Variants in AFG1L observed in about 807,000 individuals in gnomAD.
The protein encoded by AFG1L is AFG1-like ATPase.
A neutral mutation model predicts 62.2 loss-of-function variants in AFG1L; 53 were observed. That is an observed-to-expected ratio of 0.85 (90% CI 0.68 to 1.07). The LOEUF (loss-of-function observed/expected upper bound fraction) is 1.07. Ranked by LOEUF, AFG1L falls within the 50% of genes least tolerant of loss-of-function variation. The pLI is 0.00. For missense variants in AFG1L, 555 were observed against 590.5 expected, an observed-to-expected ratio of 0.94 and a Z score of 0.62; for synonymous variants, 228 against 210.3, an observed-to-expected ratio of 1.08 and a Z score of -0.73.
At position 108,346,524 on chromosome 6, in the gene AFG1L, C is replaced by G. The variant is rs114758495; in HGVS notation, c.364-464C>G. 2.0e-3 allele frequency among the ~76,000 whole-genome samples: 300 copies of G among 152,206 alleles called. 2 individuals are homozygous for G. The highest frequency in any genetic ancestry group is 6.7e-3 in the African/African-American group (280 of 41,524). ...GGGACCACAGGCGCATGCCACCATG[C>G]CTGGCTAATTCTTTTTAACTATTTG... On this transcript the variant is annotated intron_variant, in intron 2 of 12. Transcript: ENST00000368977.
chr6:108,450,303 G>A (rs1204926878), intron 8 of AFG1L, among the ~76,000 whole-genome samples: 1 of 152,166 alleles, frequency 6.6e-6, no homozygotes, highest in East Asian at 1.9e-4. Flanking sequence ...TCTAACTGGT[G>A]TGAGATGGTA....
intron 6 of AFG1L, among the ~76,000 whole-genome samples, chr6:108,396,297 C>G (rs1781304916): frequency 6.6e-6 from 1 of 152,008 alleles, no homozygotes; most frequent in African/African-American, 2.4e-5. Context: ...CTTGACAATA[C>G]ATATGTTTAC....
chr6:108,343,756 T>G (rs765176002), intron 2 of AFG1L, among the ~76,000 whole-genome samples: 73 of 151,954 alleles, frequency 4.8e-4, no homozygotes, highest in Middle Eastern at 3.4e-3. Flanking sequence ...TTGGCAGGAG[T>G]AGAAAACTGT....
intron 6 of AFG1L, among the ~76,000 whole-genome samples, chr6:108,396,348 G>A (rs560451752): frequency 1.3e-5 from 2 of 151,888 alleles, no homozygotes; most frequent in African/African-American, 4.8e-5. Flanking sequence ...TGACAGTTAC[G>A]TATATTAAAA....
chr6:108,461,875 A>G (rs1447307601), intron 8 of AFG1L, among the ~76,000 whole-genome samples: 1 of 152,048 alleles, frequency 6.6e-6, no homozygotes, highest in African/African-American at 2.4e-5. Flanking sequence ...TGGGCGGATC[A>G]CGAGGGCAGG....
rs541610578 is a variant in AFG1L, at chr6:108,510,160, G to T, written c.1063-52G>T. 58 of 1,430,542 alleles carry T rather than the reference G, an allele frequency of 4.1e-5. 1 individual carries two copies. In the South Asian group the frequency reaches 7.3e-4, roughly 18 times the overall value. 88.6% of individuals were successfully genotyped at this position (1,430,542 alleles called of 1,614,324 possible). A position where few individuals can be genotyped will look rare whatever the true frequency, so the allele number is the denominator to read the frequency against. On this transcript the variant is annotated intron_variant, in intron 10 of 12. Coordinates refer to ENST00000368977, the MANE Select transcript of AFG1L (RefSeq NM_145315.5). ...GTTTTTACACTAAACCACTCCAAAG[G>T]CAACCAGAATTGGTTTATTTTTAAG...
chr6:108,441,710 A>ATAT (rs1554198366), intron 7 of AFG1L, among the ~76,000 whole-genome samples: 46 of 117,526 alleles, frequency 3.9e-4, no homozygotes, highest in African/African-American at 1.9e-3. Context: ...TTAAAAAAAA[A>ATAT]AAATATATAT....
intron 10 of AFG1L, among the ~76,000 whole-genome samples, chr6:108,497,314 A>G (rs1774010070): frequency 6.6e-6 from 1 of 152,186 alleles, no homozygotes; most frequent in Non-Finnish European, 1.5e-5. Flanking sequence ...CTTTGAAATA[A>G]GAATTTCTTT....
At chr6:108,514,545 G>C (rs1408919732) in intron 11 of AFG1L, among the ~76,000 whole-genome samples, 1 of 152,168 alleles carries the variant, frequency 6.6e-6, no homozygotes, top group Non-Finnish European at 1.5e-5. Context: ...GCAAAAACAT[G>C]TCAAATTGTA....
chr6:108,324,416 C>T (rs1279902662), intron 2 of AFG1L, among the ~76,000 whole-genome samples: 2 of 152,176 alleles, frequency 1.3e-5, no homozygotes, highest in Non-Finnish European at 2.9e-5. Flanking sequence ...TGCCTGACAT[C>T]TCTAGGGTCA....
At chr6:108,488,091 A>T (rs191334010) in intron 10 of AFG1L, among the ~76,000 whole-genome samples, 1 of 152,322 alleles carries the variant, frequency 6.6e-6, no homozygotes, top group East Asian at 1.9e-4. Context: ...AAACTTGGTT[A>T]AATAAACTAA....
At position 108,397,821 on chromosome 6, in the gene AFG1L, A is replaced by G. The variant is rs140135870; in HGVS notation, c.749-4175A>G. On this transcript the variant is annotated intron_variant, in intron 6 of 12. Coordinates refer to ENST00000368977, the MANE Select transcript of AFG1L (RefSeq NM_145315.5). The stretch of plus-strand genomic sequence containing the variant: ...ATGGCAGAATAGTACTCCACTTTGT[A>G]TAAATAACACATTTTCTTTATCCAT... 1.7e-4 allele frequency among the ~76,000 whole-genome samples: 26 copies of G among 152,338 alleles called. No individual in the cohort carries two copies. The East Asian group carries it at 5.0e-3, about 29-fold the overall frequency.
Position 108,323,972 on chromosome 6 carries a change from G to A in AFG1L, c.287G>A (p.Arg96Lys). ...HELKDDEHQRRVIQCLQKLHE... is the reference protein window; with the variant it reads ...HELKDDEHQRKVIQCLQKLHE... Reference sequence around the variant, plus strand: ...CTAAAGGATGATGAACATCAAAGAAGAGTCATACAGTGTTTGCAGAAATTA... The same window carrying A: ...CTAAAGGATGATGAACATCAAAGAAAAGTCATACAGTGTTTGCAGAAATTA... The change falls in exon 2 of 13, where the codon AGA becomes AAA. Residue 96 changes from arginine (R) to lysine (K), a missense_variant. Coordinates refer to ENST00000368977, the MANE Select transcript of AFG1L (RefSeq NM_145315.5). 1 of 1,614,168 alleles carries A rather than the reference G, an allele frequency of 6.2e-7. No individual in the cohort carries two copies. The highest frequency in any genetic ancestry group is 8.5e-7 in the Non-Finnish European group (1 of 1,180,018).
At position 108,377,758 on chromosome 6, in the gene AFG1L, G is replaced by A. The variant is rs563868068; in HGVS notation, c.748+11426G>A. 7.9e-4 allele frequency among the ~76,000 whole-genome samples: 119 copies of A among 150,476 alleles called. 1 individual carries two copies. The highest frequency in any genetic ancestry group is 2.1e-4 in the South Asian group (1 of 4,782). ...TCATTTTGTATATAGTATCTTGCAG[G>A]TGTTCTCTGGATTTCTTGTGTCTGG... On this transcript the variant is annotated intron_variant, in intron 6 of 12. Transcript: ENST00000368977.
chr6:108,470,937 G>A (rs1468695415), intron 8 of AFG1L, among the ~76,000 whole-genome samples: 1 of 152,128 alleles, frequency 6.6e-6, no homozygotes, highest in African/African-American at 2.4e-5. Context: ...CAGCTCCAAG[G>A]GGACAGATAC....
At chr6:108,358,585 T>C (rs1392809653) in intron 5 of AFG1L, among the ~76,000 whole-genome samples, 1 of 152,230 alleles carries the variant, frequency 6.6e-6, no homozygotes, top group African/African-American at 2.4e-5. Flanking sequence ...TAGACTGGAA[T>C]GCAATGGCGT....
At chr6:108,499,850 G>A (rs1774119780) in intron 10 of AFG1L, among the ~76,000 whole-genome samples, 1 of 152,016 alleles carries the variant, frequency 6.6e-6, no homozygotes, top group African/African-American at 2.4e-5. Flanking sequence ...TTGTTACATG[G>A]GTGTATTGTA....
chr6:108,422,377 G>T (rs1770627894), intron 7 of AFG1L, among the ~76,000 whole-genome samples: 1 of 145,892 alleles, frequency 6.9e-6, no homozygotes, highest in African/African-American at 2.5e-5. Flanking sequence ...CTGAAGCACT[G>T]AAACAATAAG....
At chr6:108,479,843 G>A (rs970427852) in intron 10 of AFG1L, among the ~76,000 whole-genome samples, 2 of 152,068 alleles carry the variant, frequency 1.3e-5, no homozygotes, top group Non-Finnish European at 2.9e-5. Context: ...TTTCTAGAAG[G>A]CTCTTGAAGC....
Sources: allele counts gnomAD v4.1 joint callset (sites outside exome capture counted in the v4.1 genomes callset), GRCh38; gene constraint gnomAD v4.1.1; transcripts MANE v1.5; gene names NCBI Gene and HGNC (gene_info 2026-07-23, HGNC 2026-07-21).